The following C1QTNF8 variants were observed in gnomAD, a reference collection of about 807,000 sequenced individuals.
C1QTNF8 encodes the protein C1q and TNF related 8, also known as complement C1q tumor necrosis factor-related protein 8.
Under a neutral mutation model 19.2 loss-of-function variants are expected in C1QTNF8, and 27 were observed. The ratio of observed to expected loss-of-function variants is 1.41; its 90% CI spans 1.04 to 1.94. The LOEUF (loss-of-function observed/expected upper bound fraction) is 1.94. Ranked by LOEUF, C1QTNF8 falls within the 30% of genes most tolerant of loss-of-function variation. C1QTNF8 has a pLI of 0.00. For missense variants in C1QTNF8, 484 were observed against 374.4 expected, an observed-to-expected ratio of 1.29 and a Z score of -2.42; for synonymous variants, 208 against 172.8, an observed-to-expected ratio of 1.20 and a Z score of -1.60.
At chr16:1,092,545 CTCAA>C (rs1424994123) in intron 4 of C1QTNF8, among the ~76,000 whole-genome samples, 1 of 129,832 alleles carries the variant, frequency 7.7e-6, no homozygotes, top group African/African-American at 3.1e-5. Flanking sequence ...ACAGTCGGCG[CTCAA>C]TCAATCCCTG....
rs996640367 is a variant in C1QTNF8, at chr16:1,088,510, G to A, written c.*2089C>T. ...TTTTCGTGTCTCTGGCCTCTACCAA[G>A]CATCCCTCTTTCCGCTCCCACCTGG... On this transcript the variant is annotated 3_prime_UTR_variant, in exon 5 of 5. Coordinates refer to ENST00000328449, the MANE Select transcript of C1QTNF8 (RefSeq NM_207419.3). Among the ~76,000 whole-genome samples the A allele has an allele frequency of 6.6e-6, 1 of 152,198 alleles. No individual in the cohort carries two copies. The highest frequency in any genetic ancestry group is 1.5e-5 in the Non-Finnish European group (1 of 68,026).
intron 4 of C1QTNF8, among the ~76,000 whole-genome samples, chr16:1,092,349 CTCAA>C (rs1375604202): frequency 2.6e-5 from 4 of 151,654 alleles, no homozygotes; most frequent in Non-Finnish European, 4.4e-5. Flanking sequence ...ACAGTCGGCG[CTCAA>C]TCAATCCCTG....
intron 4 of C1QTNF8, among the ~76,000 whole-genome samples, chr16:1,093,256 C>CCTGCACACAGTCGGCGCTCAACAAATCA (rs1244300149): frequency 7.7e-6 from 1 of 130,100 alleles, no homozygotes; most frequent in Admixed American, 7.2e-5. Flanking sequence ...TCAACCAATC[C>CCTGCACACAGTCGGCGCTCAACAAATCA]CTGCACACAG....
rs1567390801 is a variant in C1QTNF8, at chr16:1,089,300, C to A, written c.*1299G>T. On this transcript the variant is annotated 3_prime_UTR_variant, in exon 5 of 5. Transcript: ENST00000328449. Reference sequence around the variant, plus strand: ...GACCCCCACCCCCAGCAGCCCATACCCCCCACCTCTGGTTCTTCAAGCACC... The same window carrying A: ...GACCCCCACCCCCAGCAGCCCATACACCCCACCTCTGGTTCTTCAAGCACC... Among the ~76,000 whole-genome samples the A allele has an allele frequency of 6.6e-6, 1 of 152,112 alleles. No individual in the cohort carries two copies. Among genetic ancestry groups the A allele is most frequent in the African/African-American group, 2.4e-5 (1 of 41,418 alleles).
chr16:1,096,062 G>C (rs535354058), intron 1 of C1QTNF8, 94 bp downstream of exon 1: 2 of 152,422 alleles, frequency 1.3e-5, no homozygotes, highest in Non-Finnish European at 2.9e-5. Flanking sequence ...CTGGGGTTCA[G>C]GGGGAGCCCG....
At chr16:1,095,363 G>T (rs369184073) in intron 2 of C1QTNF8, among the ~76,000 whole-genome samples, 4 of 152,178 alleles carry the variant, frequency 2.6e-5, no homozygotes, top group African/African-American at 9.7e-5. Context: ...TGGGGTGGGG[G>T]GCCCTGCACA....
chr16:1,095,579 C>T (rs1711853069), intron 2 of C1QTNF8, 36 bp downstream of exon 2: 1 of 152,286 alleles, frequency 6.6e-6, no homozygotes, highest in Admixed American at 6.5e-5. Flanking sequence ...GCTGCCCCAA[C>T]AAGCCTGGCC....
chr16:1,095,996 G>A (rs550213000), intron 1 of C1QTNF8, among the ~76,000 whole-genome samples, 160 bp downstream of exon 1: 7 of 152,264 alleles, frequency 4.6e-5, no homozygotes, highest in East Asian at 3.9e-4. Flanking sequence ...CGGAGTTCCC[G>A]GCCGTCCCAG....
intron 3 of C1QTNF8, 62 bp from the exon 4 acceptor site, chr16:1,094,113 G>C: frequency 7.6e-7 from 1 of 1,316,840 alleles, no homozygotes; most frequent in South Asian, 1.9e-5. Context: ...CCCCATTCCA[G>C]CACCCAGGCC....
In C1QTNF8 at chr16:1,089,087, CGGGCCA is replaced by C. The variant is rs201198103; in HGVS notation, c.*1506_*1511del. ...CAGAGGCTGGAGACCCCAGGGCAGC[CGGGCCA>C]GGGCCAGGGCCAGGGAAAGGAACGG... On this transcript the variant is annotated 3_prime_UTR_variant, in exon 5 of 5. Coordinates refer to ENST00000328449, the MANE Select transcript of C1QTNF8 (RefSeq NM_207419.3). Among the ~76,000 whole-genome samples the C allele has an allele frequency of 3.2e-3, 486 of 152,268 alleles. 1 individual carries two copies. Among genetic ancestry groups the C allele is most frequent in the African/African-American group, 8.5e-3 (353 of 41,558 alleles).
chr16:1,094,480 C>T (rs1305406693), intron 3 of C1QTNF8: 1 of 493,590 alleles, frequency 2.0e-6, no homozygotes, highest in Non-Finnish European at 3.5e-6. Flanking sequence ...AACCCTGGCC[C>T]CCTTCCCCAG....
intron 3 of C1QTNF8, among the ~76,000 whole-genome samples, chr16:1,094,310 G>T (rs141162393): frequency 6.6e-6 from 1 of 152,250 alleles, no homozygotes; most frequent in Admixed American, 6.5e-5. Flanking sequence ...GGCCAGCTAC[G>T]GTCTGCGTTG....
Position 1,093,584 on chromosome 16 carries a change from GGTC to G in C1QTNF8, c.673_675del (p.Asp225del). 1 of 1,599,606 alleles carries G rather than the reference GGTC, an allele frequency of 6.3e-7. No individual in the cohort carries two copies. Among genetic ancestry groups the G allele is most frequent in the Non-Finnish European group, 8.5e-7 (1 of 1,173,166 alleles). On this transcript the variant is annotated inframe_deletion, in exon 4 of 5. Coordinates refer to ENST00000328449, the MANE Select transcript of C1QTNF8 (RefSeq NM_207419.3). Reference sequence around the variant, plus strand: ...TGCTCGCCGTAGATGGCGTTGTCCCGGTCGCGCTGGAACATGCGCACCCAGACG... The same window carrying G: ...TGCTCGCCGTAGATGGCGTTGTCCCGGCGCTGGAACATGCGCACCCAGACG...
intron 4 of C1QTNF8, among the ~76,000 whole-genome samples, chr16:1,091,790 C>A (rs148885404): frequency 1.7e-3 from 256 of 151,028 alleles, no homozygotes; most frequent in Admixed American, 3.7e-3. Context: ...TGACCCCCTG[C>A]GCTCAGCCGC....
At chr16:1,093,315 G>A (rs932534515) in intron 4 of C1QTNF8, among the ~76,000 whole-genome samples, 182 bp downstream of exon 4, 6 of 141,226 alleles carry the variant, frequency 4.2e-5, no homozygotes, top group Admixed American at 6.8e-5. Flanking sequence ...ACCAATCCCT[G>A]CACACAGTCA....
rs1960505753 is a variant in C1QTNF8, at chr16:1,089,777, G to A, written c.*822C>T. On this transcript the variant is annotated 3_prime_UTR_variant, in exon 5 of 5. Transcript: ENST00000328449. ...ACGGGGTAGGGCTGGGGGTGTCCCG[G>A]TCGGGGTGGGAGGCCTGGGGTCTGC... is the stretch of plus-strand genomic sequence containing the variant. Among the ~76,000 whole-genome samples the A allele has an allele frequency of 6.6e-6, 1 of 152,112 alleles. No homozygotes were observed. The highest frequency in any genetic ancestry group is 1.5e-5 in the Non-Finnish European group (1 of 68,016).
intron 3 of C1QTNF8, 34 bp downstream of exon 3, chr16:1,094,681 G>C (rs1201196625): frequency 7.0e-6 from 11 of 1,568,994 alleles, no homozygotes; most frequent in East Asian, 2.4e-5. Flanking sequence ...GGGTCCTGGT[G>C]GGGGAGCATG....
At position 1,093,883 on chromosome 16, in the gene C1QTNF8, C is replaced by A; in HGVS notation, c.377G>T (p.Gly126Val). ...YAAFSVGRRE[G>V]LHSSDHFQAV... ...CTGGAAGTGGTCGGAGCTGTGCAGGCCCTCGCGCCGGCCCACGGAGAAGGC... is the reference window on the plus strand; with the variant it reads ...CTGGAAGTGGTCGGAGCTGTGCAGGACCTCGCGCCGGCCCACGGAGAAGGC... The change falls in exon 4 of 5, where the codon GGC (glycine) becomes GTC (valine). Residue 126 changes from glycine to valine, a missense_variant. Gly to Val is a moderately radical substitution (Grantham distance 109, BLOSUM62 -3). Transcript: ENST00000328449. 1 of 1,573,926 alleles carries A rather than the reference C, an allele frequency of 6.4e-7. No individual in the cohort carries two copies. Among genetic ancestry groups the A allele is most frequent in the Non-Finnish European group, 8.6e-7 (1 of 1,168,074 alleles).
rs1960507911 is a variant in C1QTNF8, at chr16:1,089,857, A to T, written c.*742T>A. ...TCGGGCGCCTTTCTCTCTAAGGCGGAAGCCTCTGTGCCAAGGCCCCGTGAG... is the reference window on the plus strand; with the variant it reads ...TCGGGCGCCTTTCTCTCTAAGGCGGTAGCCTCTGTGCCAAGGCCCCGTGAG... On this transcript the variant is annotated 3_prime_UTR_variant, in exon 5 of 5. Transcript: ENST00000328449. 6.6e-6 allele frequency: 1 copy of T among 152,210 alleles called. No individual in the cohort carries two copies. The highest frequency in any genetic ancestry group is 2.4e-5 in the African/African-American group (1 of 41,448). The allele number at this position is 152,210 out of a possible 1,614,324, so 9.4% of individuals were successfully genotyped here.
Sources: allele counts gnomAD v4.1 joint callset (sites outside exome capture counted in the v4.1 genomes callset), GRCh38; gene constraint gnomAD v4.1.1; transcripts MANE v1.5; gene names NCBI Gene and HGNC (gene_info 2026-07-23, HGNC 2026-07-21).